Variants in HSD17B12 observed in about 807,000 individuals in gnomAD.
The protein encoded by HSD17B12 is hydroxysteroid 17-beta dehydrogenase 12, also known as very-long-chain 3-oxoacyl-CoA reductase.
HSD17B12 carries 32 observed loss-of-function variants against 39.3 expected under a neutral mutation model. The ratio of observed to expected loss-of-function variants is 0.81; its 90% CI spans 0.61 to 1.09. The LOEUF (loss-of-function observed/expected upper bound fraction) is 1.09, where lower values mean the gene tolerates loss of function less well. Ranked by LOEUF, HSD17B12 falls within the 50% of genes least tolerant of loss-of-function variation. The pLI is 0.00. For missense variants in HSD17B12, 342 were observed against 382.9 expected, an observed-to-expected ratio of 0.89 and a Z score of 0.89; for synonymous variants, 150 against 146.7, an observed-to-expected ratio of 1.02 and a Z score of -0.16.
chr11:43,653,219 A>G, the HSD17B12 span, among the ~76,000 whole-genome samples: 2 of 152,152 alleles, frequency 1.3e-5, no homozygotes, highest in Non-Finnish European at 2.9e-5. Flanking sequence ...TGAGCCAGGA[A>G]TGGTGCTGGA....
chr11:43,664,093 C>T, the HSD17B12 span, among the ~76,000 whole-genome samples: 2 of 152,204 alleles, frequency 1.3e-5, no homozygotes, highest in East Asian at 3.9e-4. Flanking sequence ...TCGTGATCTG[C>T]CTGCCTCAGC....
the HSD17B12 span, among the ~76,000 whole-genome samples, chr11:43,581,217 G>A: frequency 6.6e-6 from 1 of 152,088 alleles, no homozygotes; most frequent in Non-Finnish European, 1.5e-5. The surrounding 1 kb of genome is among the most constrained non-coding windows in gnomAD (Gnocchi z 4.9). Flanking sequence ...TTGGGGGATC[G>A]CGGACGGTCT....
intron 4 of HSD17B12, 48 bp from the exon 5 acceptor site, chr11:43,815,389 T>C (rs1373269472): frequency 9.7e-7 from 1 of 1,026,876 alleles, no homozygotes; most frequent in South Asian, 1.7e-5. Context: ...TTAACAAATC[T>C]TTAAAATATG....
At chr11:43,739,223 T>C (rs1281588395) in intron 1 of HSD17B12, among the ~76,000 whole-genome samples, 3 of 152,160 alleles carry the variant, frequency 2.0e-5, no homozygotes, top group African/African-American at 4.8e-5. Flanking sequence ...TGATCAGCTT[T>C]CACAAAGGGG....
At chr11:43,811,969 A>G (rs1226436861) in intron 4 of HSD17B12, among the ~76,000 whole-genome samples, 1 of 152,110 alleles carries the variant, frequency 6.6e-6, no homozygotes, top group Non-Finnish European at 1.5e-5. Context: ...AGAACATGCA[A>G]TATTTGTCTT....
At chr11:43,622,785 G>A in the HSD17B12 span, among the ~76,000 whole-genome samples, 6 of 152,092 alleles carry the variant, frequency 3.9e-5, no homozygotes, top group South Asian at 1.2e-3. Context: ...ATCAACATGT[G>A]AGAAATGAAG....
chr11:43,572,185 A>G, the HSD17B12 span, among the ~76,000 whole-genome samples: 19 of 152,166 alleles, frequency 1.2e-4, no homozygotes, highest in African/African-American at 4.6e-4. Flanking sequence ...ATGAATGTCA[A>G]GTTCACTGCA....
chr11:43,591,160 C>G, the HSD17B12 span, among the ~76,000 whole-genome samples: 3 of 151,996 alleles, frequency 2.0e-5, no homozygotes, highest in Non-Finnish European at 4.4e-5. Context: ...GGTAATGAAG[C>G]ACAGAAACTG....
chr11:43,573,466 G>A, the HSD17B12 span, among the ~76,000 whole-genome samples: 1 of 152,114 alleles, frequency 6.6e-6, no homozygotes. Context: ...TGGGAGGGAG[G>A]AGCAAAGACA....
chr11:43,783,276 C>T (rs1950783780), intron 3 of HSD17B12, among the ~76,000 whole-genome samples: 1 of 151,944 alleles, frequency 6.6e-6, no homozygotes. Context: ...ATGTTAATTT[C>T]TTGATTTCGA....
chr11:43,639,961 G>C, the HSD17B12 span, among the ~76,000 whole-genome samples: 1 of 152,136 alleles, frequency 6.6e-6, no homozygotes, highest in Non-Finnish European at 1.5e-5. Context: ...CCAGGGTCTG[G>C]CAAATTGCAA....
the HSD17B12 span, among the ~76,000 whole-genome samples, chr11:43,675,066 T>A: frequency 2.0e-5 from 3 of 152,238 alleles, no homozygotes; most frequent in African/African-American, 2.4e-5. Context: ...ATACCAAGTG[T>A]CAGGTACTCT....
chr11:43,815,441 C>G lies in HSD17B12; in HGVS notation c.396C>G (p.Asn132Lys). Residue 132 changes from asparagine to lysine, a missense_variant, in exon 5 of 11, where the codon AAC becomes AAG. Transcript: ENST00000278353. ...LAGLEIGILVNNVGMSYEYPE... is the reference protein window; with the variant it reads ...LAGLEIGILVKNVGMSYEYPE... ...AATCATCTTGTTCTATTTCAGTGAACAACGTGGGAATGTCGTATGAGTATC... is the reference window on the plus strand; with the variant it reads ...AATCATCTTGTTCTATTTCAGTGAAGAACGTGGGAATGTCGTATGAGTATC... 1 of 1,562,722 alleles carries G rather than the reference C, an allele frequency of 6.4e-7. No individual in the cohort carries two copies. The highest frequency in any genetic ancestry group is 8.7e-7 in the Non-Finnish European group (1 of 1,143,480).
chr11:43,594,923 T>C, the HSD17B12 span, among the ~76,000 whole-genome samples: 186 of 152,322 alleles, frequency 1.2e-3, 1 homozygote, highest in Non-Finnish European at 6.9e-4. Context: ...TGTAGCAAAC[T>C]TATAATCCCT....
chr11:43,574,575 A>G, the HSD17B12 span, among the ~76,000 whole-genome samples: 17 of 152,252 alleles, frequency 1.1e-4, no homozygotes, highest in African/African-American at 4.1e-4. Flanking sequence ...ACCCTTTGTC[A>G]TGCTGAGGTG....
At chr11:43,847,364 G>C (rs1951486247) in intron 9 of HSD17B12, among the ~76,000 whole-genome samples, 1 of 152,190 alleles carries the variant, frequency 6.6e-6, no homozygotes, top group Non-Finnish European at 1.5e-5. Context: ...CTTAGCAGGA[G>C]ATTACAAAAG....
intron 1 of HSD17B12, among the ~76,000 whole-genome samples, chr11:43,717,420 G>A (rs1032202370): frequency 1.3e-4 from 20 of 152,116 alleles, no homozygotes; most frequent in African/African-American, 4.8e-4. Flanking sequence ...ATTCAGACTA[G>A]CCTTTTCTCC....
At chr11:43,736,501 A>G (rs982640433) in intron 1 of HSD17B12, among the ~76,000 whole-genome samples, 4 of 152,206 alleles carry the variant, frequency 2.6e-5, no homozygotes, top group Non-Finnish European at 1.5e-5. Flanking sequence ...GTATTGGGAC[A>G]GGACATTTGT....
At chr11:43,693,804 G>A (rs1455660153) in intron 1 of HSD17B12, among the ~76,000 whole-genome samples, 1 of 152,182 alleles carries the variant, frequency 6.6e-6, no homozygotes, top group Non-Finnish European at 1.5e-5. Flanking sequence ...CTAACTTCCA[G>A]TAGGAATATT....
Sources: allele counts gnomAD v4.1 joint callset (sites outside exome capture counted in the v4.1 genomes callset), GRCh38; gene constraint gnomAD v4.1.1; non-coding constraint Gnocchi (gnomAD v3.1); transcripts MANE v1.5; gene names NCBI Gene and HGNC (gene_info 2026-07-23, HGNC 2026-07-21).